Variants in RBFOX3 observed in about 807,000 individuals in gnomAD.
RBFOX3 encodes the protein RNA binding fox-1 homolog 3.
A neutral mutation model predicts 48.7 loss-of-function variants in RBFOX3; 17 were observed. The observed-to-expected ratio is 0.35, with a 90% CI of 0.24 to 0.52. RBFOX3 has a LOEUF of 0.52. RBFOX3 is among the 20% of genes least tolerant of loss of function. RBFOX3 has a pLI of 0.94. For synonymous variants in RBFOX3, 212 were observed against 209.5 expected (o/e 1.01, Z -0.10); for missense variants, 382 against 497.5 (o/e 0.77, Z 2.21).
At chr17:79,101,691 C>T in intron 8 of RBFOX3, 47 bp from the exon 9 acceptor site, 2 of 1,516,418 alleles carry the variant, frequency 1.3e-6, no homozygotes, top group Middle Eastern at 1.7e-4. Context: ...GATTAGCCTC[C>T]TGGAAGACCC....
intron 2 of RBFOX3, among the ~76,000 whole-genome samples, chr17:79,319,254 T>C (rs902322895): frequency 3.3e-5 from 5 of 152,090 alleles, no homozygotes; most frequent in African/African-American, 1.2e-4. Context: ...GGAAGAAAAG[T>C]CGCACTGTAT....
intron 4 of RBFOX3, among the ~76,000 whole-genome samples, chr17:79,119,142 A>G (rs1234672919): frequency 6.6e-6 from 1 of 152,180 alleles, no homozygotes. Flanking sequence ...GAGGTTCTGC[A>G]GGGCTGAAGC....
At chr17:79,583,314 G>C (rs952392781) in intron 1 of RBFOX3, among the ~76,000 whole-genome samples, 102 of 152,304 alleles carry the variant, frequency 6.7e-4, no homozygotes, top group African/African-American at 2.3e-3. Flanking sequence ...ACTGGTCTCT[G>C]CAACTGTTTA....
chr17:79,576,826 G>T (rs2092879570), intron 1 of RBFOX3, among the ~76,000 whole-genome samples: 1 of 152,186 alleles, frequency 6.6e-6, no homozygotes, highest in Non-Finnish European at 1.5e-5. Context: ...ATGGAGATGG[G>T]TAGAGACAGC....
rs2059395947 is a variant in RBFOX3, at chr17:79,377,739, C to T, written c.-174-69915G>A. On this transcript the variant is annotated intron_variant, in intron 2 of 14. Coordinates refer to ENST00000693108, the MANE Select transcript of RBFOX3 (RefSeq NM_001350451.2). ...TTTATTTGCCCCTCTGCCCTGCATC[C>T]CTTTGGAAACTGCAGAAGCCCACGG... Among the ~76,000 whole-genome samples the T allele has an allele frequency of 3.9e-5, 6 of 152,104 alleles. No homozygotes were observed. In the South Asian group the frequency reaches 1.2e-3, roughly 32 times the overall value.
At chr17:79,164,711 G>A (rs953521265) in intron 4 of RBFOX3, among the ~76,000 whole-genome samples, 34 of 152,298 alleles carry the variant, frequency 2.2e-4, no homozygotes, top group African/African-American at 6.3e-4. Flanking sequence ...TGGGAAGGCC[G>A]GGGGTCCAGG....
chr17:79,174,108 C>CCT lies in RBFOX3; in HGVS notation c.-33-58362_-33-58361dup, dbSNP rs138290997. 3.8e-3 allele frequency among the ~76,000 whole-genome samples: 576 copies of CCT among 152,178 alleles called. 3 individuals carry two copies. The highest frequency in any genetic ancestry group is 0.013 in the African/African-American group (555 of 41,514). ...TCAGTCCCAAATGGGGAGAACAGGG[C>CCT]CTCTCCCCAGGCCTGGTGGTGGGGA... On this transcript the variant is annotated intron_variant, in intron 4 of 14. Coordinates refer to ENST00000693108, the MANE Select transcript of RBFOX3 (RefSeq NM_001350451.2).
chr17:79,440,304 G>A (rs1331903567), intron 2 of RBFOX3, among the ~76,000 whole-genome samples: 1 of 152,204 alleles, frequency 6.6e-6, no homozygotes, highest in Non-Finnish European at 1.5e-5. Flanking sequence ...ATGTCCCAGG[G>A]CATTTTTGAA....
At chr17:79,450,170 G>A (rs1379478797) in intron 2 of RBFOX3, among the ~76,000 whole-genome samples, 1 of 152,224 alleles carries the variant, frequency 6.6e-6, no homozygotes, top group Non-Finnish European at 1.5e-5. Flanking sequence ...CAGACTCAAG[G>A]AGGTCAAAAG....
intron 4 of RBFOX3, among the ~76,000 whole-genome samples, chr17:79,217,364 G>A (rs939440918): frequency 6.6e-6 from 1 of 152,220 alleles, no homozygotes; most frequent in African/African-American, 2.4e-5. Context: ...GCCCTACAGA[G>A]CTGCTGCTTC....
Position 79,542,770 on chromosome 17 carries a change from G to A in RBFOX3, c.-319-60172C>T, listed in dbSNP as rs932693210. ...TGCACTCCAGCCTGGGCAACAGAGC[G>A]GGACTCCATCTCAAAATAAAAGGAT... On this transcript the variant is annotated intron_variant, in intron 1 of 14. Transcript: ENST00000693108. Among the ~76,000 whole-genome samples, 7 of 152,252 alleles carry A rather than the reference G, an allele frequency of 4.6e-5. No homozygotes were observed. In the South Asian group the frequency reaches 1.0e-3, roughly 23 times the overall value.
intron 3 of RBFOX3, among the ~76,000 whole-genome samples, chr17:79,297,132 C>G (rs1036759341): frequency 2.0e-5 from 3 of 152,004 alleles, no homozygotes; most frequent in Non-Finnish European, 4.4e-5. Context: ...TTGTCTGGAG[C>G]TTGGCAGAGC....
intron 3 of RBFOX3, among the ~76,000 whole-genome samples, chr17:79,295,473 G>C (rs1464062219): frequency 6.6e-6 from 1 of 152,218 alleles, no homozygotes; most frequent in Non-Finnish European, 1.5e-5. Context: ...GTGGGAGCCA[G>C]TTCCTTTCCA....
intron 4 of RBFOX3, among the ~76,000 whole-genome samples, chr17:79,147,366 A>G (rs931342609): frequency 2.7e-4 from 41 of 152,336 alleles, no homozygotes; most frequent in African/African-American, 8.9e-4. Context: ...GAAGATAATT[A>G]ACTAGGGAAC....
At chr17:79,278,475 G>C (rs2069450972) in intron 3 of RBFOX3, among the ~76,000 whole-genome samples, 1 of 152,224 alleles carries the variant, frequency 6.6e-6, no homozygotes, top group South Asian at 2.1e-4. Context: ...CCTGCCTCTT[G>C]GTGGGTGCCC....
chr17:79,336,443 T>A (rs1414803851), intron 2 of RBFOX3, among the ~76,000 whole-genome samples: 2 of 150,968 alleles, frequency 1.3e-5, no homozygotes, highest in African/African-American at 2.4e-5. Context: ...AAAAAATAAA[T>A]CCCACTGTTC....
intron 4 of RBFOX3, among the ~76,000 whole-genome samples, chr17:79,138,719 ACC>A (rs2041028327): frequency 6.4e-4 from 6 of 9,376 alleles, no homozygotes; most frequent in African/African-American, 1.1e-3. Flanking sequence ...ACACCCCCTC[ACC>A]CACACACGCA....
intron 1 of RBFOX3, among the ~76,000 whole-genome samples, chr17:79,526,782 T>C (rs1327026976): frequency 2.0e-5 from 3 of 152,212 alleles, no homozygotes; most frequent in Non-Finnish European, 2.9e-5. Context: ...GCAGAGAGTT[T>C]TGTATAGACA....
intron 4 of RBFOX3, among the ~76,000 whole-genome samples, chr17:79,148,887 C>T (rs1354019836): frequency 6.6e-6 from 1 of 152,214 alleles, no homozygotes; most frequent in African/African-American, 2.4e-5. Flanking sequence ...TGGCACTGAT[C>T]AGGTCCTGAG....
Sources: gnomAD v4.1 joint callset for allele counts (sites outside exome capture counted in the v4.1 genomes callset) on GRCh38, gnomAD v4.1.1 for gene constraint, MANE v1.5 for transcripts, NCBI Gene and HGNC (gene_info 2026-07-23, HGNC 2026-07-21) for gene names.